FRMD4A: variants seen among roughly 807,000 people sequenced by gnomAD.
The protein encoded by FRMD4A is FERM domain containing 4A.
In FRMD4A, 29 loss-of-function variants were observed where a neutral mutation model predicts 129.1. The observed-to-expected ratio is 0.22, with a 90% CI of 0.17 to 0.31. The LOEUF is 0.31. Ranked by LOEUF, FRMD4A falls within the 10% of genes least tolerant of loss-of-function variation. The probability of loss-of-function intolerance (pLI) is 1.00; values close to 1 mark genes in which losing one functional copy is unlikely to be tolerated. For synonymous variants in FRMD4A, 634 were observed against 571.6 expected (o/e 1.11, Z -1.56); for missense variants, 1,272 against 1,375.8 (o/e 0.92, Z 1.19).
intron 14 of FRMD4A, among the ~76,000 whole-genome samples, chr10:13,699,343 C>T (rs1447765843): frequency 1.3e-5 from 2 of 148,156 alleles, no homozygotes; most frequent in Non-Finnish European, 3.0e-5. Context: ...TCCCAAAGTA[C>T]TGAGATTACA....
chr10:13,896,138 A>C (rs1356346256), intron 2 of FRMD4A, among the ~76,000 whole-genome samples: 1 of 152,228 alleles, frequency 6.6e-6, no homozygotes, highest in Non-Finnish European at 1.5e-5. Context: ...AGAACCAAAA[A>C]TCCCATTTGA....
At chr10:14,197,303 T>C (rs936207082) in intron 2 of FRMD4A, among the ~76,000 whole-genome samples, 1 of 152,200 alleles carries the variant, frequency 6.6e-6, no homozygotes, top group Admixed American at 6.5e-5. Flanking sequence ...GGAGACAATA[T>C]GAATAATAAT....
chr10:14,292,779 G>A lies in FRMD4A; in HGVS notation c.45+37279C>T, dbSNP rs191931168. Among the ~76,000 whole-genome samples, 83 of 151,968 alleles carry A rather than the reference G, an allele frequency of 5.5e-4. 1 individual carries two copies. Among genetic ancestry groups the A allele is most frequent in the African/African-American group, 1.7e-3 (72 of 41,390 alleles). ...CACACCACTGCACTCTAGCCTGGGC[G>A]ACAGAGCGAGACTCTGCCTCAAAAA... On this transcript the variant is annotated intron_variant, in intron 2 of 24. Coordinates refer to ENST00000357447, the MANE Select transcript of FRMD4A (RefSeq NM_018027.5).
intron 2 of FRMD4A, among the ~76,000 whole-genome samples, chr10:14,237,712 T>C (rs890639473): frequency 2.0e-5 from 3 of 152,196 alleles, no homozygotes; most frequent in African/African-American, 7.2e-5. Context: ...CAGCTGTTGC[T>C]AGGACCAAAT....
intron 2 of FRMD4A, among the ~76,000 whole-genome samples, chr10:14,140,849 A>G (rs1336302554): frequency 6.6e-6 from 1 of 152,158 alleles, no homozygotes; most frequent in Non-Finnish European, 1.5e-5. Context: ...ACTTTTCAGG[A>G]AACTAGGGAG....
At chr10:13,701,622 TACAC>T in intron 13 of FRMD4A, 144 bp from the exon 14 acceptor site, 1 of 665,562 alleles carries the variant, frequency 1.5e-6, no homozygotes, top group Non-Finnish European at 2.6e-6. Flanking sequence ...CACCTAGGCG[TACAC>T]ACACACACAT....
intron 2 of FRMD4A, among the ~76,000 whole-genome samples, chr10:13,999,216 C>T (rs2095633281): frequency 6.6e-6 from 1 of 152,098 alleles, no homozygotes; most frequent in South Asian, 2.1e-4. Context: ...CGCTCCGTCT[C>T]CCCCTGCTCC....
At chr10:13,964,920 A>G (rs1035338973) in intron 2 of FRMD4A, among the ~76,000 whole-genome samples, 2 of 151,906 alleles carry the variant, frequency 1.3e-5, no homozygotes, top group African/African-American at 4.8e-5. Context: ...TCTTGACCTC[A>G]TGACCTGCCC....
chr10:14,036,105 A>G (rs566991884), intron 2 of FRMD4A, among the ~76,000 whole-genome samples: 17 of 152,144 alleles, frequency 1.1e-4, no homozygotes, highest in Non-Finnish European at 1.2e-4. Context: ...TAGTGTCTCC[A>G]CAATGTGCAT....
At chr10:13,751,403 G>C (rs986937630) in intron 8 of FRMD4A, among the ~76,000 whole-genome samples, 1 of 152,180 alleles carries the variant, frequency 6.6e-6, no homozygotes, top group African/African-American at 2.4e-5. Context: ...CCTTCCCCGA[G>C]GACAAATCTA....
At chr10:14,092,660 T>A (rs1836726691) in intron 2 of FRMD4A, among the ~76,000 whole-genome samples, 1 of 152,212 alleles carries the variant, frequency 6.6e-6, no homozygotes. Flanking sequence ...AAGGGATACA[T>A]CGTGGTGACC....
chr10:13,921,220 C>G (rs2095067355), intron 2 of FRMD4A, among the ~76,000 whole-genome samples: 1 of 151,808 alleles, frequency 6.6e-6, no homozygotes, highest in South Asian at 2.1e-4. Context: ...CTTTTTCTTT[C>G]TTTCTTTCTC....
chr10:14,316,557 C>A (rs191056197), intron 2 of FRMD4A, among the ~76,000 whole-genome samples: 1 of 148,574 alleles, frequency 6.7e-6, no homozygotes, highest in Non-Finnish European at 1.5e-5. Context: ...CAGGCTTAAG[C>A]CAATCAGTGC....
intron 2 of FRMD4A, among the ~76,000 whole-genome samples, chr10:13,947,569 A>G (rs2095340958): frequency 6.6e-6 from 1 of 151,930 alleles, no homozygotes. Context: ...CATTTATAAA[A>G]GAGACACACA....
At chr10:14,299,840 T>C (rs972077907) in intron 2 of FRMD4A, among the ~76,000 whole-genome samples, 1 of 152,116 alleles carries the variant, frequency 6.6e-6, no homozygotes, top group African/African-American at 2.4e-5. Context: ...TATGTGTAGT[T>C]TGGCTAAGCT....
chr10:13,841,991 T>C (rs971499237), intron 3 of FRMD4A, among the ~76,000 whole-genome samples: 5 of 152,170 alleles, frequency 3.3e-5, no homozygotes, highest in African/African-American at 4.8e-5. Flanking sequence ...CACCGCGATA[T>C]TACAACTATC....
chr10:14,058,382 T>C (rs1834643743), intron 2 of FRMD4A, among the ~76,000 whole-genome samples: 2 of 152,238 alleles, frequency 1.3e-5, no homozygotes, highest in Non-Finnish European at 2.9e-5. Flanking sequence ...AGAATTTTTT[T>C]CCCAATTACC....
intron 2 of FRMD4A, among the ~76,000 whole-genome samples, chr10:14,014,242 A>G (rs888269334): frequency 2.0e-5 from 3 of 152,186 alleles, no homozygotes; most frequent in African/African-American, 7.2e-5. Context: ...GAGCAATAGG[A>G]TGAAATTGAA....
At chr10:14,089,974 C>T (rs1836564897) in intron 2 of FRMD4A, among the ~76,000 whole-genome samples, 1 of 152,218 alleles carries the variant, frequency 6.6e-6, no homozygotes, top group Non-Finnish European at 1.5e-5. Flanking sequence ...CAGAGCAGGG[C>T]CGATATTCTC....
Sources: allele counts gnomAD v4.1 joint callset (sites outside exome capture counted in the v4.1 genomes callset), GRCh38; gene constraint gnomAD v4.1.1; transcripts MANE v1.5; gene names NCBI Gene and HGNC (gene_info 2026-07-23, HGNC 2026-07-21).